NUDT16L1: variants seen among roughly 807,000 people sequenced by gnomAD.
NUDT16L1 encodes the protein tudor-interacting repair regulator protein.
Under a neutral mutation model 17.3 loss-of-function variants are expected in NUDT16L1, and 19 were observed. That is an observed-to-expected ratio of 1.10 (90% confidence interval 0.77 to 1.61). The LOEUF is 1.61. Ranked by LOEUF, NUDT16L1 falls within the 40% of genes most tolerant of loss-of-function variation. The probability of loss-of-function intolerance (pLI) is 0.00; values close to 1 mark genes in which losing one functional copy is unlikely to be tolerated. For missense variants in NUDT16L1, 341 were observed against 292.0 expected (o/e 1.17, Z -1.22); for synonymous variants, 255 against 138.6 (o/e 1.84, Z -5.90).
intron 2 of NUDT16L1, 69 bp from the exon 3 acceptor site, chr16:4,694,889 A>T: frequency 1.3e-6 from 2 of 1,533,202 alleles, no homozygotes; most frequent in South Asian, 2.4e-5. Flanking sequence ...CATAGCTTCC[A>T]GGCCCCTCCT....
intron 2 of NUDT16L1, chr16:4,694,496 T>C: frequency 7.7e-7 from 1 of 1,297,804 alleles, no homozygotes. Context: ...ATCCTGGGAG[T>C]GGGGGAGTGG....
exon 3 of NUDT16L1, chr16:4,695,083 C>T: frequency 1.2e-6 from 2 of 1,613,572 alleles, no homozygotes; most frequent in Non-Finnish European, 1.7e-6. Flanking sequence ...TCAAGGTGCT[C>T]AACATGATGC....
exon 2 of NUDT16L1, chr16:4,694,215 C>T (rs1317575776): frequency 2.0e-6 from 3 of 1,526,204 alleles, no homozygotes; most frequent in African/African-American, 2.8e-5. Flanking sequence ...CAGCGCGGTG[C>T]ACTCGCGCGA....
In NUDT16L1 at chr16:4,694,693, C is replaced by T. The variant is rs1186589344; in HGVS notation, c.415-265C>T. Reference sequence around the variant, plus strand: ...GGCTTCGTTGGGTGGACGGGGGGAGCATGGGGTGCGGACCCCGGGGTGGGG... The same window carrying T: ...GGCTTCGTTGGGTGGACGGGGGGAGTATGGGGTGCGGACCCCGGGGTGGGG... On this transcript the variant is annotated intron_variant, in intron 2 of 2. Transcript: ENST00000304301. The T allele has an allele frequency of 2.1e-5, 29 of 1,361,340 alleles. 1 individual carries two copies. The East Asian group carries it at 4.0e-4, about 19-fold the overall frequency. The allele number at this position is 1,361,340 out of a possible 1,614,324, so 84.3% of individuals were successfully genotyped here.
At chr16:4,695,514 T>C in exon 3 of NUDT16L1, 1 of 544,680 alleles carries the variant, frequency 1.8e-6, no homozygotes, top group Non-Finnish European at 3.3e-6. Flanking sequence ...CCCACAGGGG[T>C]GGCGCACAGC....
intron 2 of NUDT16L1, chr16:4,694,593 G>A (rs1028095663): frequency 7.0e-7 from 1 of 1,435,942 alleles, no homozygotes; most frequent in Non-Finnish European, 9.1e-7. Context: ...GTAAAACTTG[G>A]GAACCTCATG....
chr16:4,695,483 G>A (rs2079522552), exon 3 of NUDT16L1: 4 of 565,144 alleles, frequency 7.1e-6, no homozygotes, highest in South Asian at 2.4e-5. Context: ...AGCTGGTAGA[G>A]ACCCAGGAGT....
chr16:4,693,873 G>A (rs371654760), exon 1 of NUDT16L1: 93 of 1,540,604 alleles, frequency 6.0e-5, no homozygotes, highest in Non-Finnish European at 7.6e-5. Flanking sequence ...TGCGCTTCTC[G>A]GTGCTGGTGA....
chr16:4,695,710 G>T, exon 3 of NUDT16L1: 1 of 402,984 alleles, frequency 2.5e-6, no homozygotes, highest in Non-Finnish European at 4.4e-6. Context: ...TTCACCACGT[G>T]TGAACTGTGG....
chr16:4,695,144 A>G lies in NUDT16L1; in HGVS notation c.601A>G (p.Lys201Glu), dbSNP rs151099905. 1.6e-3 allele frequency: 2,559 copies of G among 1,613,060 alleles called. 7 individuals carry two copies. The highest frequency in any genetic ancestry group is 1.8e-3 in the Non-Finnish European group (2,138 of 1,179,944). Reference sequence around the variant, plus strand: ...GGCTGCAGCCACCGAGAAGCAGAAGAAGGCCCTGGAGAAGTTGCTCCCGGC... The same window carrying G: ...GGCTGCAGCCACCGAGAAGCAGAAGGAGGCCCTGGAGAAGTTGCTCCCGGC... Residue 201 changes from lysine (K) to glutamate (E), a missense_variant, in exon 3 of 3, where the codon AAG (lysine) becomes GAG (glutamate). Lys to Glu is a moderately conservative substitution (Grantham distance 56). Transcript: ENST00000304301.
rs763000103 is a variant in NUDT16L1, at chr16:4,694,955, C to A, written c.415-3C>A. The A allele has an allele frequency of 8.7e-6, 14 of 1,606,078 alleles. No homozygotes were observed. Among genetic ancestry groups the A allele is most frequent in the Non-Finnish European group, 1.2e-5 (14 of 1,178,912 alleles). Reference sequence around the variant, plus strand: ...CCCCAACCCCTACCTCCTGTCTGCGCAGGTGCTGGGCCTCGTGCGGGTCCC... The same window carrying A: ...CCCCAACCCCTACCTCCTGTCTGCGAAGGTGCTGGGCCTCGTGCGGGTCCC... On this transcript the variant is annotated splice_polypyrimidine_tract_variant and splice_region_variant and intron_variant, in intron 2 of 2. Transcript: ENST00000304301.
At chr16:4,695,155 G>A in exon 3 of NUDT16L1, 1 of 1,613,094 alleles carries the variant, frequency 6.2e-7, no homozygotes, top group Non-Finnish European at 8.5e-7. Context: ...AGGCCCTGGA[G>A]AAGTTGCTCC....
chr16:4,693,835 C>T, exon 1 of NUDT16L1: 7 of 1,564,850 alleles, frequency 4.5e-6, no homozygotes, highest in South Asian at 1.2e-5. Context: ...CGCCGCCAAC[C>T]CTGGGCAGCT....
At chr16:4,695,404 C>CT in exon 3 of NUDT16L1, 1 of 597,768 alleles carries the variant, frequency 1.7e-6, no homozygotes, top group Non-Finnish European at 3.0e-6. Context: ...CACACTGGGC[C>CT]TGCCTCTCCA....
intron 2 of NUDT16L1, chr16:4,694,629 G>GTACTT: frequency 7.0e-7 from 1 of 1,423,354 alleles, no homozygotes; most frequent in African/African-American, 1.4e-5. Context: ...CTTGGGATTT[G>GTACTT]TACTTTGTGG....
chr16:4,694,942 C>T lies in NUDT16L1; in HGVS notation c.415-16C>T, dbSNP rs541731541. The T allele has an allele frequency of 1.0e-5, 16 of 1,598,836 alleles. No homozygotes were observed. Among genetic ancestry groups the T allele is most frequent in the African/African-American group, 6.7e-5 (5 of 74,794 alleles). On this transcript the variant is annotated splice_polypyrimidine_tract_variant and intron_variant, in intron 2 of 2. Coordinates refer to ENST00000304301, the Ensembl canonical transcript of NUDT16L1. ...GTGGCAGGCCTGGCCCCAACCCCTA[C>T]CTCCTGTCTGCGCAGGTGCTGGGCC... is the stretch of plus-strand genomic sequence containing the variant.
At chr16:4,694,406 A>G (rs2079487291) in intron 2 of NUDT16L1, 168 bp downstream of exon 2, 3 of 1,385,260 alleles carry the variant, frequency 2.2e-6, no homozygotes, top group Non-Finnish European at 2.9e-6. Flanking sequence ...GGAGGCCGGG[A>G]AAGGAGGGGC....
Position 4,694,733 on chromosome 16 carries a change from G to C in NUDT16L1, c.415-225G>C, listed in dbSNP as rs926709367. 3.6e-5 allele frequency: 50 copies of C among 1,402,772 alleles called. No homozygotes were observed. The East Asian group carries it at 7.0e-4, about 20-fold the overall frequency. The allele number at this position is 1,402,772 out of a possible 1,614,324, so 86.9% of individuals were successfully genotyped here. Reference sequence around the variant, plus strand: ...CCGGGGTGGGGTGGCCTGGGTACGAGGGGGGGGAGTGCATGGGGTCAGCCT... The same window carrying C: ...CCGGGGTGGGGTGGCCTGGGTACGACGGGGGGGAGTGCATGGGGTCAGCCT... On this transcript the variant is annotated intron_variant, in intron 2 of 2. Coordinates refer to ENST00000304301, the Ensembl canonical transcript of NUDT16L1.
intron 2 of NUDT16L1, 89 bp downstream of exon 2, chr16:4,694,327 G>C: frequency 6.7e-7 from 1 of 1,490,894 alleles, no homozygotes; most frequent in Non-Finnish European, 8.9e-7. Flanking sequence ...TCTCCTGAGG[G>C]TCCCCTGGCC....
Sources: gnomAD v4.1 joint callset for allele counts on GRCh38, gnomAD v4.1.1 for gene constraint, MANE v1.5 for transcripts, NCBI Gene and HGNC (gene_info 2026-07-23, HGNC 2026-07-21) for gene names.